The following PLCH1 variants were observed in gnomAD, a reference collection of about 807,000 sequenced individuals.
The protein encoded by PLCH1 is 1-phosphatidylinositol 4,5-bisphosphate phosphodiesterase eta-1.
Under a neutral mutation model 126.7 loss-of-function variants are expected in PLCH1, and 60 were observed. The ratio of observed to expected loss-of-function variants is 0.47; its 90% CI spans 0.38 to 0.59. The LOEUF (loss-of-function observed/expected upper bound fraction) is 0.59. PLCH1 is among the 20% of genes least tolerant of loss of function. The probability of loss-of-function intolerance (pLI) is 0.00; values close to 1 mark genes in which losing one functional copy is unlikely to be tolerated. For missense variants in PLCH1, 1,723 were observed against 2,040.0 expected, an observed-to-expected ratio of 0.84 and a Z score of 2.99; for synonymous variants, 719 against 734.9, an observed-to-expected ratio of 0.98 and a Z score of 0.35.
rs532929056 is a variant in PLCH1 at position 155,634,980 on chromosome 3, C to A, written c.80-38602G>T. ...GGTCTTGGAAAAGATAGTTAACTTC[C>A]CTGGACTGGACTCACTTCCTTCATC... is the stretch of plus-strand genomic sequence containing the variant. On this transcript the variant is annotated intron_variant, in intron 2 of 22. Transcript: ENST00000460012. Among the ~76,000 whole-genome samples the A allele has an allele frequency of 2.9e-4, 44 of 152,192 alleles. 1 individual carries two copies. The South Asian group carries it at 9.1e-3, about 32-fold the overall frequency.
In PLCH1 at chr3:155,482,521, T is replaced by A. The variant is rs144395061; in HGVS notation, c.3505A>T (p.Ile1169Phe). ...GTGACATTGTCAATAAGATGGGAAA[T>A]TACACTCTCCTGCAGAATTGCAGTT... Reference protein sequence around the residue: ...HSTAILQESVISHLIDNVTLT... With the variant: ...HSTAILQESVFSHLIDNVTLT... The change falls in exon 23 of 23, where the codon ATT (isoleucine) becomes TTT (phenylalanine). Residue 1169 changes from isoleucine (I) to phenylalanine (F), a missense_variant. Around this residue, in one of 2 missense-constraint regions of PLCH1, gnomAD observed 947 missense variants for 977.1 expected, o/e 0.97. Coordinates refer to ENST00000460012, the MANE Select transcript of PLCH1 (RefSeq NM_014996.4). 5.6e-6 allele frequency: 9 copies of A among 1,614,130 alleles called. No homozygotes were observed. The South Asian group carries it at 9.9e-5, about 18-fold the overall frequency.
At chr3:155,452,317 A>C (rs1712330017) in intron 21 of PLCH1, among the ~76,000 whole-genome samples, 1 of 152,152 alleles carries the variant, frequency 6.6e-6, no homozygotes, top group South Asian at 2.1e-4. Flanking sequence ...CCCATGCTTC[A>C]AATTATCTCC....
At chr3:155,693,855 G>A (rs112350102) in intron 2 of PLCH1, among the ~76,000 whole-genome samples, 2,382 of 152,050 alleles carry the variant, frequency 0.016, 69 homozygotes, top group African/African-American at 0.054. Flanking sequence ...ACTTGAACCC[G>A]GGAGGCAGAG....
In PLCH1 at chr3:155,492,872, A is replaced by G; in HGVS notation, c.2183-19T>C. 6.4e-7 allele frequency: 1 copy of G among 1,563,542 alleles called. No individual in the cohort carries two copies. Among genetic ancestry groups the G allele is most frequent in the Middle Eastern group, 1.7e-4 (1 of 5,850 alleles). On this transcript the variant is annotated intron_variant, in intron 17 of 22. Coordinates refer to ENST00000460012, the MANE Select transcript of PLCH1 (RefSeq NM_014996.4). Reference sequence around the variant, plus strand: ...AAAGTACCTAGGCCAAGTAAAGTATAAGTTGGTAACATAAGAAGAAACACA... The same window carrying G: ...AAAGTACCTAGGCCAAGTAAAGTATGAGTTGGTAACATAAGAAGAAACACA...
Position 155,583,533 on chromosome 3 carries a change from C to A in PLCH1, c.710G>T (p.Ser237Ile), listed in dbSNP as rs1437319068. The change falls in exon 6 of 23, where the codon AGT (serine) becomes ATT (isoleucine). Residue 237 changes from serine (S) to isoleucine (I), a missense_variant. By Grantham distance (142) the Ser-to-Ile change is moderately radical (BLOSUM62 -2). Around this residue, in one of 2 missense-constraint regions of PLCH1, gnomAD observed 776 missense variants for 1,062.9 expected, o/e 0.73. Transcript: ENST00000460012. ...CACAGTTAGGTGATCTTTCTTGTCA[C>A]TGTAGCTCAAAAGTAACAAATAAAG... ...RDLYLLLLSY[S>I]DKKDHLTVEE... 6.2e-7 allele frequency: 1 copy of A among 1,607,172 alleles called. No individual in the cohort carries two copies. The highest frequency in any genetic ancestry group is 1.3e-5 in the African/African-American group (1 of 74,584).
chr3:155,486,903 C>G (rs1007949134), intron 21 of PLCH1: 1 of 152,132 alleles, frequency 6.6e-6, no homozygotes, highest in Non-Finnish European at 1.5e-5. Context: ...TGTAGTTAAC[C>G]TGGGATTCCT....
intron 4 of PLCH1, among the ~76,000 whole-genome samples, chr3:155,591,648 T>C (rs933934192): frequency 2.0e-5 from 3 of 152,220 alleles, no homozygotes; most frequent in Admixed American, 2.0e-4. Context: ...AATAAACACA[T>C]TTTTATGTCT....
intron 1 of PLCH1, among the ~76,000 whole-genome samples, chr3:155,722,819 G>C (rs1440638250): frequency 6.6e-6 from 1 of 152,058 alleles, no homozygotes; most frequent in African/African-American, 2.4e-5. Flanking sequence ...TGGGTATTAG[G>C]GTGATAATGG....
chr3:155,594,380 G>GAC (rs1732644866), intron 3 of PLCH1, among the ~76,000 whole-genome samples, 196 bp from the exon 4 acceptor site: 1 of 151,906 alleles, frequency 6.6e-6, no homozygotes, highest in South Asian at 2.1e-4. Flanking sequence ...AGACCAGCCT[G>GAC]GGCAACATGG....
intron 6 of PLCH1, among the ~76,000 whole-genome samples, chr3:155,579,268 A>C (rs1167033843): frequency 6.6e-6 from 1 of 152,218 alleles, no homozygotes; most frequent in Non-Finnish European, 1.5e-5. Flanking sequence ...GGAATTTTAC[A>C]GTCAAGTATA....
chr3:155,492,675 C>A, intron 18 of PLCH1, 54 bp downstream of exon 18: 1 of 1,452,968 alleles, frequency 6.9e-7, no homozygotes. Context: ...AATGTAAATG[C>A]ACTAAGATAA....
At chr3:155,593,211 A>T (rs2108640930) in intron 4 of PLCH1, among the ~76,000 whole-genome samples, 1 of 152,280 alleles carries the variant, frequency 6.6e-6, no homozygotes, top group African/African-American at 2.4e-5. Flanking sequence ...TTATACCCTC[A>T]CTTTACAGAT....
chr3:155,726,390 A>G (rs1748323109), intron 1 of PLCH1, among the ~76,000 whole-genome samples: 1 of 152,212 alleles, frequency 6.6e-6, no homozygotes, highest in Non-Finnish European at 1.5e-5. Flanking sequence ...ACAGTACATG[A>G]AAGATAATAT....
chr3:155,560,288 T>C (rs1266123859), intron 8 of PLCH1, among the ~76,000 whole-genome samples: 1 of 152,192 alleles, frequency 6.6e-6, no homozygotes, highest in African/African-American at 2.4e-5. Context: ...GGCATCTCTA[T>C]GCATGCCAGA....
intron 2 of PLCH1, among the ~76,000 whole-genome samples, chr3:155,599,910 G>A (rs1422447647): frequency 2.0e-5 from 3 of 152,164 alleles, no homozygotes; most frequent in South Asian, 2.1e-4. Context: ...TAACAGGAAC[G>A]GTATATCTGC....
intron 2 of PLCH1, among the ~76,000 whole-genome samples, chr3:155,629,864 C>T (rs1189769243): frequency 6.6e-6 from 1 of 152,176 alleles, no homozygotes; most frequent in Non-Finnish European, 1.5e-5. Flanking sequence ...TCGCTGTACT[C>T]GCTGTTTCTT....
chr3:155,742,389 T>C (rs1181217325), intron 1 of PLCH1: 1 of 152,208 alleles, frequency 6.6e-6, no homozygotes, highest in East Asian at 1.9e-4. Context: ...TGGGAAAATA[T>C]ATCAAACGGA....
intron 1 of PLCH1, among the ~76,000 whole-genome samples, chr3:155,715,409 A>G (rs1198968576): frequency 6.6e-6 from 1 of 151,956 alleles, no homozygotes; most frequent in Non-Finnish European, 1.5e-5. Flanking sequence ...TCAAGCAATG[A>G]TTGTCCCACC....
chr3:155,740,343 A>AG (rs1749524728), intron 1 of PLCH1, among the ~76,000 whole-genome samples: 1 of 149,350 alleles, frequency 6.7e-6, no homozygotes, highest in Admixed American at 6.7e-5. Flanking sequence ...CCCAGGAGGT[A>AG]GAGGTTGCAG....
Sources: gnomAD v4.1 joint callset for allele counts (sites outside exome capture counted in the v4.1 genomes callset) on GRCh38, gnomAD v4.1.1 for gene constraint, gnomAD v4.1.1 regional missense constraint, MANE v1.5 for transcripts, NCBI Gene and HGNC (gene_info 2026-07-23, HGNC 2026-07-21) for gene names.